SHTN1: variants seen among roughly 807,000 people sequenced by gnomAD.
SHTN1 encodes shootin 1.
Under a neutral mutation model 83.1 loss-of-function variants are expected in SHTN1, and 42 were observed. The ratio of observed to expected loss-of-function variants is 0.51; its 90% CI spans 0.39 to 0.65. The LOEUF is 0.65. Ranked by LOEUF, SHTN1 falls within the 30% of genes least tolerant of loss-of-function variation. The pLI is 0.00. For synonymous variants in SHTN1, 224 were observed against 247.7 expected (o/e 0.90, Z 0.90); for missense variants, 622 against 737.8 (o/e 0.84, Z 1.82).
chr10:117,009,064 G>A (rs1460214327), upstream of SHTN1, among the ~76,000 whole-genome samples: 4 of 152,114 alleles, frequency 2.6e-5, no homozygotes, highest in African/African-American at 7.2e-5. Flanking sequence ...GCAATGAGCC[G>A]AGATCGTGCC....
rs1437792504 is a variant in SHTN1 at position 116,960,165 on chromosome 10, G to A, written c.238C>T (p.Arg80Ter). Residue 80 changes from arginine to a stop codon, truncating the protein, a stop_gained, in exon 4 of 17, where the codon CGA (arginine) becomes TGA (stop). Transcript: ENST00000355371. LOFTEE classifies it high-confidence loss of function. Reference sequence around the variant, plus strand: ...GTTGCCAAAGCTTCAGCACTTTCTCGACAAGTCTTCTCTATTTCAAGATGG... The same window carrying A: ...GTTGCCAAAGCTTCAGCACTTTCTCAACAAGTCTTCTCTATTTCAAGATGG... ...QNHLEIEKTC[R>*]ESAEALATKL... The A allele has an allele frequency of 6.2e-7, 1 of 1,609,850 alleles. No homozygotes were observed. Among genetic ancestry groups the A allele is most frequent in the Non-Finnish European group, 8.5e-7 (1 of 1,176,654 alleles).
intron 1 of SHTN1, among the ~76,000 whole-genome samples, chr10:117,061,588 G>C (rs912263846): frequency 6.6e-6 from 1 of 152,064 alleles, no homozygotes; most frequent in Admixed American, 6.5e-5. Context: ...TCCTGCCTCA[G>C]TCTCCTGAGT....
intron 6 of SHTN1, among the ~76,000 whole-genome samples, chr10:116,951,363 CAGTG>C (rs1849771242): frequency 6.6e-6 from 1 of 152,326 alleles, no homozygotes; most frequent in Admixed American, 6.5e-5. Context: ...GTTGAGGCGG[CAGTG>C]AGCTGTGATC....
intron 8 of SHTN1, among the ~76,000 whole-genome samples, chr10:116,941,555 C>T (rs1281924082): frequency 6.6e-6 from 1 of 152,156 alleles, no homozygotes; most frequent in Non-Finnish European, 1.5e-5. Flanking sequence ...AGAGCTTCAC[C>T]TTTTCAGATT....
chr10:117,019,386 G>A (rs1024653175), intron 2 of SHTN1, among the ~76,000 whole-genome samples: 6 of 151,596 alleles, frequency 4.0e-5, no homozygotes, highest in African/African-American at 1.5e-4. Flanking sequence ...GCCTCACCGT[G>A]TTACCCAGCC....
intron 3 of SHTN1, among the ~76,000 whole-genome samples, chr10:116,963,048 T>G (rs1051602455): frequency 4.8e-3 from 43 of 8,954 alleles, no homozygotes; most frequent in East Asian, 0.02. Context: ...TTTTTTTTTT[T>G]TTTTTTTTTT....
intron 5 of SHTN1, among the ~76,000 whole-genome samples, chr10:116,953,087 C>T (rs537104055): frequency 1.3e-5 from 2 of 152,270 alleles, no homozygotes; most frequent in East Asian, 3.9e-4. Flanking sequence ...ATCCTTTCTT[C>T]TTTATACTTC....
chr10:116,886,268 C>T lies in SHTN1; in HGVS notation c.*76G>A. On this transcript the variant is annotated 3_prime_UTR_variant, in exon 17 of 17. Transcript: ENST00000355371. ...GTGACCAGAGCAGAATGTCTACAGCCCTTGCCAATATAACAACACTAATCA... is the reference window on the plus strand; with the variant it reads ...GTGACCAGAGCAGAATGTCTACAGCTCTTGCCAATATAACAACACTAATCA... 2 of 1,541,568 alleles carry T rather than the reference C, an allele frequency of 1.3e-6. No individual in the cohort carries two copies. The highest frequency in any genetic ancestry group is 1.8e-6 in the Non-Finnish European group (2 of 1,139,900).
chr10:117,099,881 T>C (rs1447505516), intron 1 of SHTN1, among the ~76,000 whole-genome samples: 1 of 152,056 alleles, frequency 6.6e-6, no homozygotes, highest in Non-Finnish European at 1.5e-5. Flanking sequence ...CAGTTTGTCA[T>C]AAAGAGTAAA....
At chr10:117,109,888 A>G (rs1853740485) in intron 1 of SHTN1, among the ~76,000 whole-genome samples, 1 of 152,150 alleles carries the variant, frequency 6.6e-6, no homozygotes, top group South Asian at 2.1e-4. Flanking sequence ...AAATTTCAAT[A>G]AGTAATAATC....
At chr10:116,981,529 A>T (rs1311751513) in intron 1 of SHTN1, among the ~76,000 whole-genome samples, 1 of 152,184 alleles carries the variant, frequency 6.6e-6, no homozygotes, top group Admixed American at 6.5e-5. Flanking sequence ...TCTTCTAAAA[A>T]TATTCACTTA....
intron 2 of SHTN1, among the ~76,000 whole-genome samples, chr10:117,026,325 C>T (rs1453066349): frequency 6.6e-6 from 1 of 152,088 alleles, no homozygotes; most frequent in Non-Finnish European, 1.5e-5. Context: ...GGATGAGGCT[C>T]CTCTGCCTTT....
intron 2 of SHTN1, among the ~76,000 whole-genome samples, chr10:117,047,496 A>G (rs1280380322): frequency 1.3e-5 from 2 of 152,230 alleles, no homozygotes; most frequent in Non-Finnish European, 2.9e-5. Context: ...CTAACTCTCA[A>G]ATAAACCAGT....
At chr10:116,962,273 T>G (rs1850211575) in intron 3 of SHTN1, among the ~76,000 whole-genome samples, 1 of 152,134 alleles carries the variant, frequency 6.6e-6, no homozygotes, top group Admixed American at 6.5e-5. Context: ...ATGTAGCTCT[T>G]CATCAATATA....
Position 117,113,538 on chromosome 10 carries a change from CCAT to C in SHTN1, c.-189+12766_-189+12768del, listed in dbSNP as rs1853797776. Reference sequence around the variant, plus strand: ...CAGGATCCAAAAGGGCTTGCTTTGACCATCATTAAGACCTTCTGTTTTCTACTT... The same window carrying C: ...CAGGATCCAAAAGGGCTTGCTTTGACCATTAAGACCTTCTGTTTTCTACTT... On this transcript the variant is annotated intron_variant, in intron 1 of 17. Coordinates refer to the SHTN1 transcript ENST00000392901. 2.0e-5 allele frequency among the ~76,000 whole-genome samples: 3 copies of C among 146,940 alleles called. No individual in the cohort carries two copies. In the Admixed American group the frequency reaches 2.1e-4, roughly 10 times the overall value.
intron 1 of SHTN1, among the ~76,000 whole-genome samples, chr10:117,066,365 T>C (rs1853002213): frequency 6.6e-6 from 1 of 152,128 alleles, no homozygotes; most frequent in Non-Finnish European, 1.5e-5. Context: ...AAGGTCCTTG[T>C]CTCCCTTGGA....
chr10:117,119,333 A>T (rs759307694), intron 1 of SHTN1, among the ~76,000 whole-genome samples: 8 of 152,224 alleles, frequency 5.3e-5, no homozygotes, highest in South Asian at 4.1e-4. Flanking sequence ...TAAGAAGCTC[A>T]AACAATTCTA....
intron 2 of SHTN1, among the ~76,000 whole-genome samples, chr10:117,038,408 G>T (rs1349230011): frequency 6.6e-6 from 1 of 151,804 alleles, no homozygotes; most frequent in East Asian, 1.9e-4. Context: ...CCAAAATGCT[G>T]GGATTACAGG....
intron 1 of SHTN1, among the ~76,000 whole-genome samples, chr10:117,064,121 A>G (rs1343679200): frequency 1.3e-5 from 2 of 152,212 alleles, no homozygotes; most frequent in African/African-American, 4.8e-5. Flanking sequence ...TAGAAGCTGG[A>G]AAGTCATATA....
Sources: allele counts gnomAD v4.1 joint callset (sites outside exome capture counted in the v4.1 genomes callset), GRCh38; gene constraint gnomAD v4.1.1; transcripts MANE v1.5; gene names NCBI Gene and HGNC (gene_info 2026-07-23, HGNC 2026-07-21).